MAPK10: variants seen among roughly 807,000 people sequenced by gnomAD.
MAPK10 encodes JNK3 alpha protein kinase.
A neutral mutation model predicts 59.3 loss-of-function variants in MAPK10; 25 were observed. That is an observed-to-expected ratio of 0.42 (90% CI 0.31 to 0.59). The LOEUF (loss-of-function observed/expected upper bound fraction) is 0.59, where lower values mean the gene tolerates loss of function less well. Among genes scored for constraint, MAPK10 ranks in the 20% least tolerant of loss-of-function variants. The probability of loss-of-function intolerance (pLI) is 0.15; values close to 1 mark genes in which losing one functional copy is unlikely to be tolerated. For synonymous variants in MAPK10, 190 were observed against 200.5 expected, an observed-to-expected ratio of 0.95 and a Z score of 0.44; for missense variants, 351 against 568.9, an observed-to-expected ratio of 0.62 and a Z score of 3.90.
chr4:86,297,918 T>C (rs931614220), intron 2 of MAPK10, among the ~76,000 whole-genome samples: 6 of 152,198 alleles, frequency 3.9e-5, no homozygotes, highest in African/African-American at 1.4e-4. Context: ...CCCCTGCTTA[T>C]TTCTCCAGGT....
intron 9 of MAPK10, among the ~76,000 whole-genome samples, chr4:86,070,082 T>A (rs2047523465): frequency 6.6e-6 from 1 of 152,220 alleles, no homozygotes; most frequent in African/African-American, 2.4e-5. Context: ...CTGTTGTGAT[T>A]CTTGATGCAA....
intron 2 of MAPK10, among the ~76,000 whole-genome samples, chr4:86,320,225 G>A (rs1457038193): frequency 6.6e-6 from 1 of 152,108 alleles, no homozygotes; most frequent in South Asian, 2.1e-4. Flanking sequence ...CAGTTAACAT[G>A]GTCTTTAATT....
Position 86,098,611 on chromosome 4 carries a change from G to T in MAPK10, c.731-16C>A. On this transcript the variant is annotated splice_polypyrimidine_tract_variant and intron_variant, in intron 8 of 13. Transcript: ENST00000641462. ...CATATATCCACTAGAACAGGAGAGA[G>T]AGGGTAGTGAAGAAAAGGGAGGAAA... The T allele has an allele frequency of 1.3e-6, 2 of 1,587,816 alleles. 1 individual carries two copies. The highest frequency in any genetic ancestry group is 2.2e-5 in the South Asian group (2 of 90,322).
chr4:86,049,933 A>T (rs111456628), intron 11 of MAPK10, among the ~76,000 whole-genome samples: 4,257 of 151,954 alleles, frequency 0.028, 194 homozygotes, highest in African/African-American at 0.097. Context: ...CAGCTTGGGT[A>T]CCCTCTGGGA....
chr4:86,301,318 C>T (rs565692435), intron 2 of MAPK10, among the ~76,000 whole-genome samples: 15 of 151,850 alleles, frequency 9.9e-5, no homozygotes, highest in Admixed American at 1.3e-4. Flanking sequence ...AGACAACCTT[C>T]TTCACAGTGA....
intron 12 of MAPK10, among the ~76,000 whole-genome samples, chr4:86,029,900 C>T (rs1337733341): frequency 6.6e-6 from 1 of 152,026 alleles, no homozygotes; most frequent in Non-Finnish European, 1.5e-5. Context: ...TTCATTTACT[C>T]TCAGACTGGC....
intron 1 of MAPK10, among the ~76,000 whole-genome samples, chr4:86,375,831 C>T (rs779744170): frequency 2.6e-5 from 4 of 151,586 alleles, no homozygotes; most frequent in Non-Finnish European, 5.9e-5. Flanking sequence ...ACCTCCTTCC[C>T]TTATGTGTGA....
At chr4:86,561,387 T>C (rs1760666024) in intron 1 of MAPK10, among the ~76,000 whole-genome samples, 1 of 152,248 alleles carries the variant, frequency 6.6e-6, no homozygotes, top group South Asian at 2.1e-4. Flanking sequence ...AATTATTCTA[T>C]AATGTGTTAA....
chr4:86,540,077 T>A (rs1388318707), intron 1 of MAPK10, among the ~76,000 whole-genome samples: 4 of 152,234 alleles, frequency 2.6e-5, no homozygotes, highest in Non-Finnish European at 4.4e-5. Flanking sequence ...ACAATTAGAT[T>A]AATACTGAAT....
intron 4 of MAPK10, among the ~76,000 whole-genome samples, chr4:86,121,540 GTTC>G (rs1193518945): frequency 1.3e-5 from 2 of 152,156 alleles, no homozygotes; most frequent in Non-Finnish European, 2.9e-5. Flanking sequence ...TCAAATGACT[GTTC>G]TTCTAAATTA....
At chr4:86,366,111 C>T (rs767499440) in intron 1 of MAPK10, among the ~76,000 whole-genome samples, 3 of 151,900 alleles carry the variant, frequency 2.0e-5, no homozygotes, top group Non-Finnish European at 2.9e-5. Context: ...AGATGAATCT[C>T]GAAACATGCT....
chr4:86,582,257 G>A (rs1041777152), intron 1 of MAPK10, among the ~76,000 whole-genome samples: 91 of 151,942 alleles, frequency 6.0e-4, no homozygotes, highest in African/African-American at 2.1e-3. Context: ...AAATTTGTAA[G>A]TACAAGGCAA....
intron 1 of MAPK10, among the ~76,000 whole-genome samples, chr4:86,524,805 A>G (rs1027498644): frequency 1.3e-5 from 2 of 151,550 alleles, no homozygotes; most frequent in African/African-American, 2.4e-5. Flanking sequence ...TTAACCCTAC[A>G]TTAGCCTATC....
chr4:86,395,491 C>T (rs1742788517), intron 1 of MAPK10, among the ~76,000 whole-genome samples: 1 of 152,170 alleles, frequency 6.6e-6, no homozygotes, highest in Admixed American at 6.5e-5. Flanking sequence ...CATGATGTAA[C>T]TGAATCATTA....
At chr4:86,186,486 G>A (rs924421451) in intron 3 of MAPK10, among the ~76,000 whole-genome samples, 4 of 152,048 alleles carry the variant, frequency 2.6e-5, no homozygotes, top group African/African-American at 9.7e-5. Flanking sequence ...CAAAAACAAT[G>A]TTTTGTTTCC....
chr4:86,391,783 T>A (rs1353521863), intron 1 of MAPK10, among the ~76,000 whole-genome samples: 1 of 152,186 alleles, frequency 6.6e-6, no homozygotes, highest in East Asian at 1.9e-4. Flanking sequence ...ACAAGTGACG[T>A]GAACCATTGT....
At chr4:86,130,827 G>A (rs757675161) in intron 4 of MAPK10, among the ~76,000 whole-genome samples, 3 of 152,132 alleles carry the variant, frequency 2.0e-5, no homozygotes, top group Non-Finnish European at 2.9e-5. Context: ...CAGTAGGAAT[G>A]TAAATGGGCT....
At chr4:86,378,156 C>T (rs1220259184) in intron 1 of MAPK10, among the ~76,000 whole-genome samples, 1 of 152,114 alleles carries the variant, frequency 6.6e-6, no homozygotes, top group Non-Finnish European at 1.5e-5. Flanking sequence ...TATGCAATAC[C>T]CCACAATGGC....
chr4:86,185,980 G>T (rs1024263893), intron 3 of MAPK10, among the ~76,000 whole-genome samples: 1 of 152,014 alleles, frequency 6.6e-6, no homozygotes, highest in African/African-American at 2.4e-5. Flanking sequence ...GTTTGGGTTG[G>T]AGATAAAACT....
Sources: allele counts gnomAD v4.1 joint callset (sites outside exome capture counted in the v4.1 genomes callset), GRCh38; gene constraint gnomAD v4.1.1; transcripts MANE v1.5; gene names NCBI Gene and HGNC (gene_info 2026-07-23, HGNC 2026-07-21).